TRAK1: variants seen among roughly 807,000 people sequenced by gnomAD.
TRAK1 encodes the protein trafficking kinesin protein 1.
Under a neutral mutation model 92.1 loss-of-function variants are expected in TRAK1, and 33 were observed. The ratio of observed to expected loss-of-function variants is 0.36; its 90% CI spans 0.27 to 0.48. TRAK1 has a LOEUF of 0.48. Ranked by LOEUF, TRAK1 falls within the 20% of genes least tolerant of loss-of-function variation. The pLI is 0.99. For synonymous variants in TRAK1, 521 were observed against 517.3 expected, an observed-to-expected ratio of 1.01 and a Z score of -0.10; for missense variants, 1,123 against 1,257.9, an observed-to-expected ratio of 0.89 and a Z score of 1.62.
chr3:42,048,274 G>GTGC (rs1441441484), intron 1 of TRAK1, among the ~76,000 whole-genome samples: 1 of 151,924 alleles, frequency 6.6e-6, no homozygotes, highest in African/African-American at 2.4e-5. Flanking sequence ...CTTTACTTTT[G>GTGC]TGCATACTCA....
intron 1 of TRAK1, among the ~76,000 whole-genome samples, chr3:42,052,729 G>A (rs1457232141): frequency 6.6e-6 from 1 of 152,158 alleles, no homozygotes; most frequent in Non-Finnish European, 1.5e-5. Context: ...CATGCAGGAT[G>A]TGCATTTAAT....
At chr3:42,050,708 A>T (rs910010385) in intron 1 of TRAK1, among the ~76,000 whole-genome samples, 2 of 151,878 alleles carry the variant, frequency 1.3e-5, no homozygotes, top group African/African-American at 4.8e-5. Flanking sequence ...CCCAGGTTGG[A>T]GTACAGTAGT....
At chr3:42,169,102 G>T (rs11711278) in intron 2 of TRAK1, among the ~76,000 whole-genome samples, 30,293 of 151,906 alleles carry the variant, frequency 0.2, 3,935 homozygotes, top group East Asian at 0.35. Context: ...GGGATTACAG[G>T]CATGAGCCAT....
At chr3:42,069,305 AGC>A (rs1703810373) in intron 1 of TRAK1, among the ~76,000 whole-genome samples, 1 of 148,318 alleles carries the variant, frequency 6.7e-6, no homozygotes, top group Non-Finnish European at 1.5e-5. Flanking sequence ...TGGGTGACAC[AGC>A]AAGACCCTGT....
chr3:42,167,258 T>C (rs1038804370), intron 2 of TRAK1, among the ~76,000 whole-genome samples: 1 of 152,168 alleles, frequency 6.6e-6, no homozygotes, highest in Non-Finnish European at 1.5e-5. Flanking sequence ...GAGCTCTTCT[T>C]TGCAAGTAGA....
intron 1 of TRAK1, among the ~76,000 whole-genome samples, chr3:42,031,020 C>G (rs949787918): frequency 5.0e-4 from 73 of 145,848 alleles, no homozygotes; most frequent in African/African-American, 1.8e-3. Flanking sequence ...GACACTTAAC[C>G]TCAGCTATTT....
At chr3:42,169,119 C>T (rs1056200552) in intron 2 of TRAK1, among the ~76,000 whole-genome samples, 1 of 149,544 alleles carries the variant, frequency 6.7e-6, no homozygotes, top group Non-Finnish European at 1.5e-5. Flanking sequence ...CCATGGTGCC[C>T]AGCAAAGTGA....
intron 2 of TRAK1, among the ~76,000 whole-genome samples, chr3:42,133,989 A>G (rs1162430462): frequency 6.6e-6 from 1 of 152,202 alleles, no homozygotes; most frequent in Non-Finnish European, 1.5e-5. Flanking sequence ...CATTGATATA[A>G]TTACATTAAT....
upstream of TRAK1, among the ~76,000 whole-genome samples, chr3:42,086,042 G>C (rs1321779278): frequency 6.6e-6 from 1 of 152,200 alleles, no homozygotes. Flanking sequence ...GCTGAGGAAT[G>C]TTTTGTAGGT....
At chr3:42,200,425 C>T (rs969015292) in intron 11 of TRAK1, among the ~76,000 whole-genome samples, 7 of 152,168 alleles carry the variant, frequency 4.6e-5, no homozygotes, top group South Asian at 2.1e-4. Flanking sequence ...ATTTCTGCTG[C>T]GCTGAGCAGT....
At chr3:42,155,466 G>C (rs1013017875) in intron 2 of TRAK1, among the ~76,000 whole-genome samples, 3 of 152,164 alleles carry the variant, frequency 2.0e-5, no homozygotes, top group Admixed American at 6.5e-5. Flanking sequence ...TGTTTGTAGG[G>C]GTGGGAGTCT....
intron 2 of TRAK1, among the ~76,000 whole-genome samples, chr3:42,168,674 C>A (rs545213129): frequency 6.6e-6 from 1 of 152,212 alleles, no homozygotes; most frequent in South Asian, 2.1e-4. Flanking sequence ...CCTCCACCTC[C>A]TGGGCTCACC....
intron 2 of TRAK1, among the ~76,000 whole-genome samples, chr3:42,175,392 A>G (rs1363142203): frequency 6.6e-6 from 1 of 152,184 alleles, no homozygotes; most frequent in Non-Finnish European, 1.5e-5. Context: ...GCTGGACTTC[A>G]TCTACATCAA....
At chr3:42,068,788 G>A (rs1461643796) in intron 1 of TRAK1, among the ~76,000 whole-genome samples, 2 of 152,166 alleles carry the variant, frequency 1.3e-5, no homozygotes, top group African/African-American at 4.8e-5. Flanking sequence ...AACATTAACT[G>A]TATGCTTAGA....
chr3:42,089,255 T>C (rs945735077), upstream of TRAK1, among the ~76,000 whole-genome samples: 9 of 152,212 alleles, frequency 5.9e-5, no homozygotes, highest in Non-Finnish European at 1.2e-4. Context: ...CTTCAGAGTA[T>C]GTTCAGAATC....
At chr3:42,141,169 A>T (rs1296773910) in intron 2 of TRAK1, among the ~76,000 whole-genome samples, 1 of 152,218 alleles carries the variant, frequency 6.6e-6, no homozygotes, top group Non-Finnish European at 1.5e-5. Context: ...AAATATTCAT[A>T]TACTCACCCA....
intron 2 of TRAK1, chr3:42,149,426 C>A: frequency 1.3e-6 from 2 of 1,507,508 alleles, no homozygotes; most frequent in Non-Finnish European, 1.8e-6. Flanking sequence ...TGGTGTGTTT[C>A]GGGATATTCT....
intron 4 of TRAK1, among the ~76,000 whole-genome samples, chr3:42,186,064 C>G (rs573710160): frequency 6.8e-5 from 10 of 146,738 alleles, no homozygotes; most frequent in African/African-American, 2.5e-4. Context: ...CTCACTGCAG[C>G]CTTGACCTCC....
At chr3:42,136,998 A>T (rs1698041031) in intron 2 of TRAK1, among the ~76,000 whole-genome samples, 1 of 152,232 alleles carries the variant, frequency 6.6e-6, no homozygotes, top group African/African-American at 2.4e-5. Context: ...TTTCTATCAC[A>T]AAAGTATGCT....
Sources: allele counts gnomAD v4.1 joint callset (sites outside exome capture counted in the v4.1 genomes callset), GRCh38; gene constraint gnomAD v4.1.1; transcripts MANE v1.5; gene names NCBI Gene and HGNC (gene_info 2026-07-23, HGNC 2026-07-21).